MTUS2: variants seen among roughly 807,000 people sequenced by gnomAD.
The protein encoded by MTUS2 is microtubule-associated tumor suppressor candidate 2.
A neutral mutation model predicts 114.1 loss-of-function variants in MTUS2; 40 were observed. The observed-to-expected ratio is 0.35, with a 90% CI of 0.27 to 0.46. MTUS2 has a LOEUF of 0.46. Among genes scored for constraint, MTUS2 ranks in the 20% least tolerant of loss-of-function variants. MTUS2 has a pLI of 1.00. For missense variants in MTUS2, 1,679 were observed against 1,705.4 expected (o/e 0.98, Z 0.27); for synonymous variants, 688 against 672.0 (o/e 1.02, Z -0.37).
chr13:29,162,787 C>T (rs1204777116), intron 5 of MTUS2, among the ~76,000 whole-genome samples: 1 of 152,230 alleles, frequency 6.6e-6, no homozygotes, highest in African/African-American at 2.4e-5. Context: ...TCATTTCTCG[C>T]TTTCTGATGG....
At chr13:29,248,353 T>A (rs1181618282) in intron 5 of MTUS2, among the ~76,000 whole-genome samples, 2 of 151,878 alleles carry the variant, frequency 1.3e-5, no homozygotes, top group East Asian at 1.9e-4. Flanking sequence ...AAAGAACTTA[T>A]CCATATAACC....
At chr13:29,344,864 A>T (rs1868510533) in intron 7 of MTUS2, among the ~76,000 whole-genome samples, 1 of 152,158 alleles carries the variant, frequency 6.6e-6, no homozygotes, top group Non-Finnish European at 1.5e-5. Context: ...GGTAGTGGCA[A>T]ATTCTCTCAA....
At chr13:28,951,878 G>T (rs938970354) in intron 2 of MTUS2, among the ~76,000 whole-genome samples, 1 of 152,070 alleles carries the variant, frequency 6.6e-6, no homozygotes, top group East Asian at 1.9e-4. Flanking sequence ...CATCTGACTT[G>T]GTATGATATC....
chr13:29,325,478 AG>A (rs1413870446), intron 7 of MTUS2, among the ~76,000 whole-genome samples: 33 of 89,062 alleles, frequency 3.7e-4, no homozygotes, highest in South Asian at 2.7e-3. Context: ...AAAGAAAAGA[AG>A]AAGAGGAAGA....
chr13:29,386,864 A>C (rs1400878287), intron 8 of MTUS2, among the ~76,000 whole-genome samples: 1 of 152,282 alleles, frequency 6.6e-6, no homozygotes, highest in South Asian at 2.1e-4. Context: ...GGAGCAGACT[A>C]CAGATCCTGA....
intron 7 of MTUS2, among the ~76,000 whole-genome samples, chr13:29,348,936 A>T (rs1382080248): frequency 6.6e-6 from 1 of 151,980 alleles, no homozygotes; most frequent in Non-Finnish European, 1.5e-5. Context: ...TTGTCTATTG[A>T]TTTTTAAGTA....
At chr13:29,106,306 A>C (rs544218676) in intron 5 of MTUS2, among the ~76,000 whole-genome samples, 1 of 152,318 alleles carries the variant, frequency 6.6e-6, no homozygotes, top group African/African-American at 2.4e-5. Flanking sequence ...TCTATCTTTT[A>C]ATGATATCTG....
intron 8 of MTUS2, among the ~76,000 whole-genome samples, chr13:29,372,119 T>C (rs1006590339): frequency 2.0e-5 from 3 of 151,650 alleles, no homozygotes; most frequent in Non-Finnish European, 4.4e-5. Flanking sequence ...ATAGAAATTT[T>C]ATTCATCAAT....
Position 29,025,405 on chromosome 13 carries a change from C to T in MTUS2, c.707C>T (p.Ser236Leu). ...PAAFPATDST[S>L]EGKSVRHPKP... is the part of the protein sequence containing the mutation. ...GCTTTCCCTGCAACTGACAGTACCTCAGAGGGAAAGAGTGTGCGTCATCCT... is the reference window on the plus strand; with the variant it reads ...GCTTTCCCTGCAACTGACAGTACCTTAGAGGGAAAGAGTGTGCGTCATCCT... The change falls in exon 3 of 16, where the codon TCA becomes TTA. Residue 236 changes from serine (S) to leucine (L), a missense_variant. Ser to Leu is a moderately radical substitution (Grantham distance 145). Transcript: ENST00000612955. 6.2e-7 allele frequency: 1 copy of T among 1,613,834 alleles called. No homozygotes were observed. The highest frequency in any genetic ancestry group is 8.5e-7 in the Non-Finnish European group (1 of 1,179,868).
At chr13:28,904,861 T>A (rs201946201) in intron 2 of MTUS2, among the ~76,000 whole-genome samples, 38 of 151,474 alleles carry the variant, frequency 2.5e-4, no homozygotes, top group African/African-American at 8.1e-4. Flanking sequence ...GCCATTTTCA[T>A]GATATTGATT....
At chr13:29,454,198 T>C (rs1878945820) in intron 9 of MTUS2, among the ~76,000 whole-genome samples, 1 of 152,172 alleles carries the variant, frequency 6.6e-6, no homozygotes, top group Non-Finnish European at 1.5e-5. Context: ...AAGCCTAAGT[T>C]TCGGTATGAA....
intron 13 of MTUS2, chr13:29,497,693 C>A: frequency 3.8e-6 from 1 of 261,468 alleles, no homozygotes; most frequent in Non-Finnish European, 7.5e-6. Context: ...ATGGGGCAGC[C>A]TTGGCTGCAG....
In MTUS2 at chr13:29,281,750, G is replaced by A. The variant is rs1898280021; in HGVS notation, c.2691G>A (p.Leu897=). 6.2e-7 allele frequency: 1 copy of A among 1,611,146 alleles called. No individual in the cohort carries two copies. The part of the protein sequence containing the change: ...NEEQPVLKAS[L]PSKDTPKGAG... ...AACAGCCAGTTCTGAAGGCATCTCT[G>A]CCTTCTAAGGACACACCCAAGGGGG... The change falls in exon 6 of 16, where the codon CTG becomes CTA. Residue 897 remains leucine (L), a synonymous_variant. Transcript: ENST00000612955.
intron 8 of MTUS2, among the ~76,000 whole-genome samples, chr13:29,402,463 G>A (rs1445844280): frequency 6.6e-6 from 1 of 152,136 alleles, no homozygotes; most frequent in Non-Finnish European, 1.5e-5. Context: ...TAAAACACGA[G>A]AGATAAAAGA....
intron 2 of MTUS2, among the ~76,000 whole-genome samples, chr13:28,890,083 T>A (rs1333338083): frequency 6.6e-6 from 1 of 152,208 alleles, no homozygotes; most frequent in Admixed American, 6.5e-5. Flanking sequence ...TGGAACATCC[T>A]TATTTTGGCA....
At chr13:29,023,625 A>G (rs1226169734) in intron 2 of MTUS2, among the ~76,000 whole-genome samples, 1 of 152,208 alleles carries the variant, frequency 6.6e-6, no homozygotes, top group African/African-American at 2.4e-5. Flanking sequence ...ATTAATTATA[A>G]AATACCTGTA....
At chr13:29,200,183 T>A (rs1894883166) in intron 5 of MTUS2, among the ~76,000 whole-genome samples, 2 of 152,130 alleles carry the variant, frequency 1.3e-5, no homozygotes, top group South Asian at 4.1e-4. Flanking sequence ...TTCGTGTCTC[T>A]GTCTCCTTCA....
chr13:29,501,345 C>T (rs905880863), intron 15 of MTUS2, 151 bp downstream of exon 15: 16 of 630,606 alleles, frequency 2.5e-5, no homozygotes, highest in Middle Eastern at 7.0e-4. Flanking sequence ...CAAACCCCTG[C>T]GGCCATCTTG....
chr13:29,327,409 C>T (rs1566133314), intron 7 of MTUS2, among the ~76,000 whole-genome samples: 1 of 152,114 alleles, frequency 6.6e-6, no homozygotes, highest in Non-Finnish European at 1.5e-5. Context: ...ATTCTACACC[C>T]CCACCCCAAA....
Sources: allele counts gnomAD v4.1 joint callset (sites outside exome capture counted in the v4.1 genomes callset), GRCh38; gene constraint gnomAD v4.1.1; transcripts MANE v1.5; gene names NCBI Gene and HGNC (gene_info 2026-07-23, HGNC 2026-07-21).